ADK: variants seen among roughly 807,000 people sequenced by gnomAD.
ADK encodes the protein N6,N6-dimethyladenosine kinase.
Under a neutral mutation model 44.7 loss-of-function variants are expected in ADK, and 24 were observed. The ratio of observed to expected loss-of-function variants is 0.54; its 90% CI spans 0.39 to 0.76. ADK has a LOEUF of 0.76. ADK is among the 30% of genes least tolerant of loss of function. The pLI is 0.00. For synonymous variants in ADK, 128 were observed against 142.6 expected, an observed-to-expected ratio of 0.90 and a Z score of 0.73; for missense variants, 321 against 425.1, an observed-to-expected ratio of 0.76 and a Z score of 2.15.
chr10:74,164,862 G>A (rs1841995783), intron 1 of ADK, among the ~76,000 whole-genome samples: 1 of 152,112 alleles, frequency 6.6e-6, no homozygotes, highest in African/African-American at 2.4e-5. Context: ...CTGAGAAGAC[G>A]TGTTAGTTTC....
chr10:74,620,557 T>C (rs1400573582), intron 9 of ADK, among the ~76,000 whole-genome samples: 2 of 152,244 alleles, frequency 1.3e-5, no homozygotes, highest in South Asian at 4.1e-4. Context: ...TTGGCTATAG[T>C]GAATAATGCT....
intron 7 of ADK, among the ~76,000 whole-genome samples, chr10:74,542,863 T>C (rs73274167): frequency 0.03 from 4,531 of 151,846 alleles, 193 homozygotes; most frequent in African/African-American, 0.092. Flanking sequence ...TAGAGATCCT[T>C]CTCATTTTTA....
At chr10:74,697,730 A>G (rs1010922793) in intron 10 of ADK, among the ~76,000 whole-genome samples, 1 of 152,152 alleles carries the variant, frequency 6.6e-6, no homozygotes, top group Non-Finnish European at 1.5e-5. Context: ...ATATTTCTTG[A>G]TTCTCTGTAA....
chr10:74,608,914 GC>G (rs1852438547), intron 9 of ADK, among the ~76,000 whole-genome samples: 2 of 152,250 alleles, frequency 1.3e-5, no homozygotes, highest in Admixed American at 6.5e-5. Context: ...TTTCATAGAT[GC>G]CCTGCCCAGA....
At chr10:74,288,954 C>T (rs1847297855) in intron 3 of ADK, among the ~76,000 whole-genome samples, 1 of 152,088 alleles carries the variant, frequency 6.6e-6, no homozygotes, top group Non-Finnish European at 1.5e-5. Flanking sequence ...AACTGTATTG[C>T]AGCTGATTTG....
chr10:74,346,529 G>C (rs1474578730), intron 4 of ADK, among the ~76,000 whole-genome samples: 1 of 152,116 alleles, frequency 6.6e-6, no homozygotes, highest in Non-Finnish European at 1.5e-5. Flanking sequence ...GACAACACTA[G>C]AATCAATTAA....
intron 3 of ADK, among the ~76,000 whole-genome samples, chr10:74,284,632 A>G (rs1478446118): frequency 6.6e-6 from 1 of 152,208 alleles, no homozygotes; most frequent in Non-Finnish European, 1.5e-5. Context: ...CCAACAGCAC[A>G]TGAGGGATTG....
chr10:74,244,713 G>A (rs1417555209), intron 3 of ADK, among the ~76,000 whole-genome samples: 1 of 152,046 alleles, frequency 6.6e-6, no homozygotes, highest in Non-Finnish European at 1.5e-5. Context: ...GAAACATTTT[G>A]ATTTTTTTAT....
intron 2 of ADK, 109 bp downstream of exon 2, chr10:74,200,947 C>T (rs1438103141): frequency 1.3e-6 from 1 of 788,814 alleles, no homozygotes; most frequent in Admixed American, 2.2e-5. Context: ...TAAAGGAAAA[C>T]TCAGGAAATT....
intron 7 of ADK, among the ~76,000 whole-genome samples, chr10:74,588,946 T>C (rs998869188): frequency 2.0e-5 from 3 of 152,212 alleles, no homozygotes; most frequent in Non-Finnish European, 2.9e-5. Flanking sequence ...AGAGGTATTG[T>C]TTTAATTAAA....
At chr10:74,463,765 C>T (rs572788060) in intron 6 of ADK, among the ~76,000 whole-genome samples, 12 of 152,136 alleles carry the variant, frequency 7.9e-5, no homozygotes, top group Admixed American at 3.3e-4. Context: ...GCAGATTCGT[C>T]GTCTTTACCA....
At chr10:74,551,855 A>C (rs1439544774) in intron 7 of ADK, among the ~76,000 whole-genome samples, 1 of 152,140 alleles carries the variant, frequency 6.6e-6, no homozygotes, top group Non-Finnish European at 1.5e-5. Context: ...ACACATACAC[A>C]GGATACCAGT....
At chr10:74,210,159 A>G (rs10128407) in intron 2 of ADK, among the ~76,000 whole-genome samples, 111,696 of 151,628 alleles carry the variant, frequency 0.74, 41,844 homozygotes, top group Middle Eastern at 0.85. Flanking sequence ...GTGAAACCCC[A>G]TCTCTATTGA....
chr10:74,604,244 C>G (rs544255565), intron 9 of ADK, among the ~76,000 whole-genome samples: 305 of 152,310 alleles, frequency 2.0e-3, no homozygotes, highest in Non-Finnish European at 3.7e-3. Context: ...TGCAGAAGCT[C>G]TTTAGTTTAA....
At chr10:74,687,565 C>T (rs1405818153) in intron 10 of ADK, among the ~76,000 whole-genome samples, 1 of 152,186 alleles carries the variant, frequency 6.6e-6, no homozygotes, top group African/African-American at 2.4e-5. Flanking sequence ...TGGATGGGCT[C>T]TATAAACATT....
chr10:74,611,059 G>A (rs928845345), intron 9 of ADK, among the ~76,000 whole-genome samples: 3 of 151,912 alleles, frequency 2.0e-5, no homozygotes, highest in South Asian at 2.1e-4. Flanking sequence ...ACCAGGCCTC[G>A]CTCTGTCACC....
At chr10:74,214,825 C>T (rs893089698) in intron 2 of ADK, among the ~76,000 whole-genome samples, 25 of 152,120 alleles carry the variant, frequency 1.6e-4, no homozygotes, top group African/African-American at 5.8e-4. Flanking sequence ...GAGTATTTAT[C>T]ATAATTGTTA....
intron 4 of ADK, among the ~76,000 whole-genome samples, chr10:74,377,835 A>G (rs761648592): frequency 4.6e-5 from 7 of 152,172 alleles, no homozygotes; most frequent in Non-Finnish European, 1.0e-4. Flanking sequence ...AAGGCCGGGA[A>G]ACTTCGTTTT....
chr10:74,581,765 A>G (rs1052384729), intron 7 of ADK, among the ~76,000 whole-genome samples: 2 of 152,220 alleles, frequency 1.3e-5, no homozygotes, highest in African/African-American at 4.8e-5. Context: ...AAACAATGCA[A>G]GCTAGACCTT....
Sources: allele counts gnomAD v4.1 joint callset (sites outside exome capture counted in the v4.1 genomes callset), GRCh38; gene constraint gnomAD v4.1.1; transcripts MANE v1.5; gene names NCBI Gene and HGNC (gene_info 2026-07-23, HGNC 2026-07-21).